Variants in AHRR observed in about 807,000 individuals in gnomAD.
AHRR encodes the protein ahR repressor.
Under a neutral mutation model 44.0 loss-of-function variants are expected in AHRR, and 28 were observed. The ratio of observed to expected loss-of-function variants is 0.64; its 90% confidence interval spans 0.47 to 0.87. The LOEUF (loss-of-function observed/expected upper bound fraction) is 0.87, where lower values mean the gene tolerates loss of function less well. Among genes scored for constraint, AHRR ranks in the 40% least tolerant of loss-of-function variants. The pLI, the probability that AHRR is intolerant of heterozygous loss-of-function variation, is 0.00. For missense variants in AHRR, 990 were observed against 953.9 expected (o/e 1.04, Z -0.50); for synonymous variants, 434 against 407.0 (o/e 1.07, Z -0.80).
chr5:421,066 A>G (rs1159908615), intron 5 of AHRR: 31 of 492,466 alleles, frequency 6.3e-5, no homozygotes, highest in Middle Eastern at 5.3e-4. Flanking sequence ...GCAGCGACTA[A>G]AAGATAAAGA....
intron 6 of AHRR, among the ~76,000 whole-genome samples, chr5:423,621 T>C (rs1736234731): frequency 1.3e-5 from 2 of 152,354 alleles, no homozygotes; most frequent in South Asian, 4.1e-4. Context: ...CATTGGTCCA[T>C]CGTCATGCAT....
chr5:430,774 G>C (rs1248696440), intron 8 of AHRR, among the ~76,000 whole-genome samples: 1 of 152,198 alleles, frequency 6.6e-6, no homozygotes, highest in Non-Finnish European at 1.5e-5. Context: ...GCTGTCTGAG[G>C]GTGGACAGAG....
chr5:433,619 C>T (rs1202852847), intron 10 of AHRR, among the ~76,000 whole-genome samples: 15 of 152,224 alleles, frequency 9.9e-5, no homozygotes, highest in Non-Finnish European at 2.1e-4. Flanking sequence ...GCACCCTCGC[C>T]CCACCCTGGG....
At chr5:402,033 C>T (rs140393725) in intron 4 of AHRR, among the ~76,000 whole-genome samples, 11 of 152,256 alleles carry the variant, frequency 7.2e-5, no homozygotes, top group Non-Finnish European at 1.0e-4. Context: ...AATGGGAGGA[C>T]GCATTTGCCA....
intron 7 of AHRR, among the ~76,000 whole-genome samples, chr5:426,301 AGAAGATGATGGATGGTTGGATAG>A (rs1736385647): frequency 6.9e-6 from 1 of 145,468 alleles, no homozygotes; most frequent in Non-Finnish European, 1.5e-5. Flanking sequence ...TGGATGGATG[AGAAGATGATGGATGGTTGGATAG>A]GAAGATGATG....
chr5:383,059 T>A lies in AHRR; in HGVS notation c.351+6343T>A, dbSNP rs1178232913. ...AGAAGTATGTTGTTTAACTTACAAA[T>A]ATTTGGACATTTTCCAGGTATCCTG... On this transcript the variant is annotated intron_variant, in intron 4 of 10. Transcript: ENST00000684583. The surrounding 1 kb of genome is among the most constrained non-coding windows in gnomAD (Gnocchi z 4.0). Among the ~76,000 whole-genome samples, 2 of 152,260 alleles carry A rather than the reference T, an allele frequency of 1.3e-5. No individual in the cohort carries two copies. The highest frequency in any genetic ancestry group is 4.8e-5 in the African/African-American group (2 of 41,474).
chr5:339,027 T>C (rs1174754039), intron 1 of AHRR, among the ~76,000 whole-genome samples: 1 of 152,244 alleles, frequency 6.6e-6, no homozygotes, highest in African/African-American at 2.4e-5. Context: ...TATTTTTGTA[T>C]GTTATTATCC....
intron 4 of AHRR, among the ~76,000 whole-genome samples, chr5:380,373 G>A (rs1003661664): frequency 1.3e-5 from 2 of 152,026 alleles, no homozygotes; most frequent in African/African-American, 4.8e-5. Context: ...AAAAATCCCT[G>A]CTGGGATTTT....
chr5:427,689 T>C, intron 7 of AHRR, 118 bp from the exon 8 acceptor site: 3 of 1,613,596 alleles, frequency 1.9e-6, no homozygotes, highest in Non-Finnish European at 1.7e-6. Flanking sequence ...GAGCCACTCA[T>C]GGTGAGCTGC....
chr5:404,069 C>A lies in AHRR; in HGVS notation c.352-9275C>A. 1 of 676,116 alleles carries A rather than the reference C, an allele frequency of 1.5e-6. No homozygotes were observed. Among genetic ancestry groups the A allele is most frequent in the South Asian group, 1.5e-5 (1 of 67,388 alleles). The allele number at this position is 676,116 out of a possible 1,614,324, so 41.9% of individuals were successfully genotyped here. A position where few individuals can be genotyped will look rare whatever the true frequency, so the allele number is the denominator to read the frequency against. ...TTTGCATCCAAATCATGTTGTCCAG[C>A]GTTTGAAGAAAAAGTCAGTTCCGTT... On this transcript the variant is annotated intron_variant, in intron 4 of 10. Coordinates refer to ENST00000684583, the MANE Select transcript of AHRR (RefSeq NM_001377236.1). The surrounding 1 kb of genome is among the most constrained non-coding windows in gnomAD (Gnocchi z 4.1).
In AHRR at chr5:434,702, G is replaced by A; in HGVS notation, c.1962G>A (p.Val654=). Residue 654 remains valine, a synonymous_variant, in exon 11 of 11, where the codon GTG becomes GTA. Coordinates refer to ENST00000684583, the MANE Select transcript of AHRR (RefSeq NM_001377236.1). The part of the protein sequence containing the change: ...CTCRAAEAAP[V]VKREPLDSPQ... ...GCAGAGCTGCTGAGGCCGCCCCTGT[G>A]GTCAAGCGGGAGCCCTTGGACTCAC... The A allele has an allele frequency of 1.3e-6, 2 of 1,573,330 alleles. No homozygotes were observed. Among genetic ancestry groups the A allele is most frequent in the Non-Finnish European group, 1.7e-6 (2 of 1,159,252 alleles).
rs901811880 is a variant in AHRR at position 403,782 on chromosome 5, AGGGTCTCTTTCCT to A, written c.352-9552_352-9540del. 2.6e-6 allele frequency: 4 copies of A among 1,532,156 alleles called. No homozygotes were observed. The African/African-American group carries it at 5.5e-5, about 21-fold the overall frequency. The allele number at this position is 1,532,156 out of a possible 1,614,324, so 94.9% of individuals were successfully genotyped here. On this transcript the variant is annotated intron_variant, in intron 4 of 10. Transcript: ENST00000684583. ...TATCATTTCCATGGTCTTTGTTCAA[AGGGTCTCTTTCCT>A]GGGTCTCTTGAGTTTCTCGATATGC...
intron 5 of AHRR, chr5:421,430 C>T: frequency 1.8e-6 from 1 of 543,824 alleles, no homozygotes; most frequent in Non-Finnish European, 3.3e-6. Flanking sequence ...GCAGAAGCAG[C>T]CTCGCGGGTG....
At chr5:420,823 A>AG in intron 5 of AHRR, 1 of 270,042 alleles carries the variant, frequency 3.7e-6, no homozygotes, top group African/African-American at 2.4e-5. Context: ...CCACCCACGC[A>AG]GCCACCCACC....
intron 4 of AHRR, among the ~76,000 whole-genome samples, chr5:403,505 G>T (rs764027447): frequency 1.3e-5 from 2 of 151,848 alleles, no homozygotes; most frequent in African/African-American, 2.4e-5. Context: ...GTGTGGTGGC[G>T]CATGCCTGTA....
chr5:329,607 T>C (rs561867005), intron 1 of AHRR, among the ~76,000 whole-genome samples: 5 of 152,364 alleles, frequency 3.3e-5, no homozygotes, highest in East Asian at 3.9e-4. Flanking sequence ...ATTTTAACAA[T>C]GTGAATTCTT....
At chr5:332,382 C>T (rs1741955669) in intron 1 of AHRR, among the ~76,000 whole-genome samples, 1 of 151,348 alleles carries the variant, frequency 6.6e-6, no homozygotes, top group African/African-American at 2.4e-5. Context: ...ATTCTCCTGC[C>T]TCAGCCTCCT....
chr5:417,252 G>GCCTTCTGCATGCTCAGAA, intron 5 of AHRR, among the ~76,000 whole-genome samples: 1 of 144,352 alleles, frequency 6.9e-6, no homozygotes, highest in South Asian at 2.3e-4. Flanking sequence ...GGCTTGGTCT[G>GCCTTCTGCATGCTCAGAA]TATGTGCAGG....
Position 421,896 on chromosome 5 carries a change from G to A in AHRR, c.442-833G>A, listed in dbSNP as rs562773581. On this transcript the variant is annotated intron_variant, in intron 5 of 10. Transcript: ENST00000684583. ...TCTTAAGGAGCTCCTCCTCCAGTTAGGAAGAACCACTTGGTTATTATCACG... is the reference window on the plus strand; with the variant it reads ...TCTTAAGGAGCTCCTCCTCCAGTTAAGAAGAACCACTTGGTTATTATCACG... Among the ~76,000 whole-genome samples the A allele has an allele frequency of 3.3e-5, 5 of 152,308 alleles. No homozygotes were observed. The East Asian group carries it at 7.7e-4, about 24-fold the overall frequency.
Sources: allele counts gnomAD v4.1 joint callset (sites outside exome capture counted in the v4.1 genomes callset), GRCh38; gene constraint gnomAD v4.1.1; non-coding constraint Gnocchi (gnomAD v3.1); transcripts MANE v1.5; gene names NCBI Gene and HGNC (gene_info 2026-07-23, HGNC 2026-07-21).